PIGX: variants seen among roughly 807,000 people sequenced by gnomAD.
PIGX encodes the protein GPI alpha-1,4-mannosyltransferase I, stabilizing subunit.
A neutral mutation model predicts 28.7 loss-of-function variants in PIGX; 24 were observed. That is an observed-to-expected ratio of 0.84 (90% confidence interval 0.60 to 1.17). The LOEUF (loss-of-function observed/expected upper bound fraction) is 1.17, where lower values mean the gene tolerates loss of function less well. Ranked by LOEUF, PIGX falls within the 50% of genes most tolerant of loss-of-function variation. The pLI, the probability that PIGX is intolerant of heterozygous loss-of-function variation, is 0.00. For synonymous variants in PIGX, 127 were observed against 121.0 expected (o/e 1.05, Z -0.33); for missense variants, 305 against 317.8 (o/e 0.96, Z 0.31).
intron 2 of PIGX, among the ~76,000 whole-genome samples, chr3:196,718,226 C>T (rs1006262102): frequency 6.6e-6 from 1 of 151,878 alleles, no homozygotes; most frequent in Non-Finnish European, 1.5e-5. Context: ...AGTAGAATCG[C>T]TTGAACCCGG....
In PIGX at chr3:196,728,871, T is replaced by A. The variant is rs73892939; in HGVS notation, c.532+735T>A. The A allele has an allele frequency of 5.1e-3, 3,544 of 696,724 alleles. 71 individuals are homozygous for A. In the African/African-American group the frequency reaches 0.054, roughly 11 times the overall value. 43.2% of individuals were successfully genotyped at this position (696,724 alleles called of 1,614,324 possible). A position where few individuals can be genotyped will look rare whatever the true frequency, so the allele number is the denominator to read the frequency against. On this transcript the variant is annotated intron_variant, in intron 4 of 5. Transcript: ENST00000392391. ...CTCTGTTGCTTTTTGTTTCTTGTTA[T>A]CAGTATTGCAGGACTCTGGCTTTTG...
intron 5 of PIGX, among the ~76,000 whole-genome samples, chr3:196,732,235 TA>T (rs1712803672): frequency 9.2e-5 from 6 of 65,228 alleles, no homozygotes; most frequent in African/African-American, 3.5e-4. Flanking sequence ...TATATATATA[TA>T]TATATATATA....
intron 2 of PIGX, among the ~76,000 whole-genome samples, chr3:196,719,368 T>C (rs1412506879): frequency 1.3e-5 from 2 of 152,184 alleles, no homozygotes; most frequent in Non-Finnish European, 2.9e-5. Flanking sequence ...CTAGGGTACA[T>C]GTGCACAATG....
chr3:196,715,706 A>G (rs1478963133), intron 1 of PIGX, among the ~76,000 whole-genome samples: 1 of 152,184 alleles, frequency 6.6e-6, no homozygotes, highest in Non-Finnish European at 1.5e-5. Flanking sequence ...TTGTTTTGAG[A>G]CAAGGTCTGG....
At chr3:196,720,446 G>A (rs1259073308) in intron 2 of PIGX, among the ~76,000 whole-genome samples, 1 of 152,174 alleles carries the variant, frequency 6.6e-6, no homozygotes, top group South Asian at 2.1e-4. Flanking sequence ...TTTGTTCATT[G>A]TTGATGGGCA....
chr3:196,718,666 G>A (rs1712194932), intron 2 of PIGX, among the ~76,000 whole-genome samples: 1 of 152,126 alleles, frequency 6.6e-6, no homozygotes, highest in Admixed American at 6.5e-5. Flanking sequence ...GAAGGCTACT[G>A]GCCCATGACT....
Position 196,734,044 on chromosome 3 carries a change from C to G in PIGX, c.*142C>G. ...ATGTTTACTAGAGGAAATTTGGGAT[C>G]ATTCTCAGCTAATTCCAAAATGTAG... is the stretch of plus-strand genomic sequence containing the variant. On this transcript the variant is annotated 3_prime_UTR_variant, in exon 6 of 6. Coordinates refer to ENST00000392391, the MANE Select transcript of PIGX (RefSeq NM_017861.4). The G allele has an allele frequency of 1.6e-6, 1 of 607,866 alleles. No homozygotes were observed. Among genetic ancestry groups the G allele is most frequent in the East Asian group, 2.8e-5 (1 of 36,212 alleles). The allele number at this position is 607,866 out of a possible 1,614,324, so 37.7% of individuals were successfully genotyped here. A position where few individuals can be genotyped will look rare whatever the true frequency, so the allele number is the denominator to read the frequency against.
At chr3:196,714,415 G>C (rs531329534) in intron 1 of PIGX, among the ~76,000 whole-genome samples, 5 of 152,002 alleles carry the variant, frequency 3.3e-5, no homozygotes, top group Admixed American at 2.6e-4. Context: ...AGTGAGCTGT[G>C]ATCATGCCAC....
Position 196,722,428 on chromosome 3 carries a change from A to G in PIGX, c.190A>G (p.Lys64Glu). ...CTTGTCTTACAGAGACCTTTTAATC[A>G]AAGTGAAGTTTGGGGAAAGCATTGA... Residue 64 changes from lysine to glutamate, a missense_variant, in exon 3 of 6, where the codon AAA (lysine) becomes GAA (glutamate). Transcript: ENST00000392391. 6.2e-7 allele frequency: 1 copy of G among 1,611,396 alleles called. No individual in the cohort carries two copies. The highest frequency in any genetic ancestry group is 1.1e-5 in the South Asian group (1 of 90,928).
chr3:196,712,387 C>T lies in PIGX; in HGVS notation c.-146C>T, dbSNP rs548338450. On this transcript the variant is annotated 5_prime_UTR_variant, in exon 1 of 6. Transcript: ENST00000392391. Reference sequence around the variant, plus strand: ...GCCGGGGCTGCAGGCAGCTGGGAACCGCGGGCGCTAGGCGCGCGCACCCAG... The same window carrying T: ...GCCGGGGCTGCAGGCAGCTGGGAACTGCGGGCGCTAGGCGCGCGCACCCAG... The T allele has an allele frequency of 3.1e-6, 1 of 322,960 alleles. No individual in the cohort carries two copies. The highest frequency in any genetic ancestry group is 5.2e-6 in the Non-Finnish European group (1 of 192,792). The allele number at this position is 322,960 out of a possible 1,614,324, so 20.0% of individuals were successfully genotyped here. A position where few individuals can be genotyped will look rare whatever the true frequency, so the allele number is the denominator to read the frequency against.
intron 1 of PIGX, among the ~76,000 whole-genome samples, chr3:196,716,237 G>A (rs978765050): frequency 6.6e-5 from 10 of 151,428 alleles, no homozygotes; most frequent in Non-Finnish European, 1.0e-4. Context: ...AGTGGAACCC[G>A]TTGAACCTTT....
Position 196,733,740 on chromosome 3 carries a change from T to C in PIGX, c.634-19T>C. 1 of 1,490,958 alleles carries C rather than the reference T, an allele frequency of 6.7e-7. No individual in the cohort carries two copies. The highest frequency in any genetic ancestry group is 9.3e-7 in the Non-Finnish European group (1 of 1,079,622). 92.4% of individuals were successfully genotyped at this position (1,490,958 alleles called of 1,614,324 possible). A position where few individuals can be genotyped will look rare whatever the true frequency, so the allele number is the denominator to read the frequency against. On this transcript the variant is annotated intron_variant, in intron 5 of 5. Transcript: ENST00000392391. This position sits in a 1 kb window ranked among gnomAD's most constrained non-coding sequence, Gnocchi z 4.3. ...TGACATGCATTTTCAATGTCTAACT[T>C]CTCTCTCTCTCTCCATAGGTATATA...
chr3:196,730,497 C>T (rs1712704065), intron 4 of PIGX, among the ~76,000 whole-genome samples: 1 of 151,992 alleles, frequency 6.6e-6, no homozygotes. Flanking sequence ...CGCCTGTAAT[C>T]CCAACACTTT....
chr3:196,713,906 A>T (rs1227631112), intron 1 of PIGX, among the ~76,000 whole-genome samples: 1 of 151,988 alleles, frequency 6.6e-6, no homozygotes, highest in Non-Finnish European at 1.5e-5. Context: ...AGTAATAGTT[A>T]AGAGGAAAAA....
At position 196,731,083 on chromosome 3, in the gene PIGX, G is replaced by A. The variant is rs762400588; in HGVS notation, c.624G>A (p.Lys208=). Residue 208 remains lysine (K), a synonymous_variant, in exon 5 of 6, where the codon AAG becomes AAA. Transcript: ENST00000392391. ...ATATCTGCCAATGGAACAAGATGAAGTATAAATCAGTAAGCTAATGTTTTA... is the reference window on the plus strand; with the variant it reads ...ATATCTGCCAATGGAACAAGATGAAATATAAATCAGTAAGCTAATGTTTTA... The A allele has an allele frequency of 1.3e-6, 2 of 1,549,102 alleles. No homozygotes were observed. The highest frequency in any genetic ancestry group is 1.8e-6 in the Non-Finnish European group (2 of 1,121,780).
intron 3 of PIGX, chr3:196,726,795 A>G: frequency 2.5e-6 from 1 of 396,054 alleles, no homozygotes. Context: ...GTTTCTACTC[A>G]TGAAAAAGAA....
At chr3:196,722,218 A>G (rs987474827) in intron 2 of PIGX, among the ~76,000 whole-genome samples, 197 bp from the exon 3 acceptor site, 13 of 152,206 alleles carry the variant, frequency 8.5e-5, no homozygotes, top group African/African-American at 3.1e-4. Context: ...CAATAATGCT[A>G]TAGTGGCTTA....
At chr3:196,713,553 C>T (rs1225185150) in intron 1 of PIGX, among the ~76,000 whole-genome samples, 1 of 152,114 alleles carries the variant, frequency 6.6e-6, no homozygotes, top group Non-Finnish European at 1.5e-5. Context: ...GTGGTCCACC[C>T]TCCTCAGCCT....
At chr3:196,726,268 G>C (rs1217992929) in intron 3 of PIGX, among the ~76,000 whole-genome samples, 1 of 152,136 alleles carries the variant, frequency 6.6e-6, no homozygotes, top group Admixed American at 6.6e-5. Context: ...TCCAGCCAGG[G>C]TGACAGAGTG....
Sources: gnomAD v4.1 joint callset for allele counts (sites outside exome capture counted in the v4.1 genomes callset) on GRCh38, gnomAD v4.1.1 for gene constraint, Gnocchi (gnomAD v3.1) non-coding constraint, MANE v1.5 for transcripts, NCBI Gene and HGNC (gene_info 2026-07-23, HGNC 2026-07-21) for gene names.